EFNA5: variants seen among roughly 807,000 people sequenced by gnomAD.
EFNA5 encodes ephrin A5, also known as ephrin-A5.
A neutral mutation model predicts 22.9 loss-of-function variants in EFNA5; 5 were observed. That is an observed-to-expected ratio of 0.22 (90% CI 0.11 to 0.46). The LOEUF is 0.46. EFNA5 is among the 20% of genes least tolerant of loss of function. EFNA5 has a pLI of 0.99. For missense variants in EFNA5, 237 were observed against 293.3 expected (o/e 0.81, Z 1.40); for synonymous variants, 113 against 112.2 (o/e 1.01, Z -0.04).
intron 1 of EFNA5, among the ~76,000 whole-genome samples, chr5:107,651,743 A>C (rs1750736000): frequency 6.6e-6 from 1 of 151,896 alleles, no homozygotes; most frequent in Non-Finnish European, 1.5e-5. Flanking sequence ...ATAATAGAGC[A>C]CCCTAAGTTT....
chr5:107,573,017 C>A (rs561123042), intron 1 of EFNA5, among the ~76,000 whole-genome samples: 1 of 152,260 alleles, frequency 6.6e-6, no homozygotes, highest in East Asian at 1.9e-4. Context: ...CAGCTAGGCG[C>A]CATCCGTTAA....
At chr5:107,515,121 G>A (rs967679941) in intron 1 of EFNA5, among the ~76,000 whole-genome samples, 9 of 152,056 alleles carry the variant, frequency 5.9e-5, no homozygotes, top group African/African-American at 1.4e-4. Flanking sequence ...TGTAACCTCC[G>A]CCTTCTGGGT....
intron 1 of EFNA5, among the ~76,000 whole-genome samples, chr5:107,556,529 T>A (rs1454775013): frequency 6.6e-6 from 1 of 152,042 alleles, no homozygotes; most frequent in African/African-American, 2.4e-5. Flanking sequence ...GTGGATCACT[T>A]GAGGTCAGGA....
chr5:107,563,034 C>T (rs1455383408), intron 1 of EFNA5, among the ~76,000 whole-genome samples: 2 of 152,112 alleles, frequency 1.3e-5, no homozygotes, highest in East Asian at 3.9e-4. Flanking sequence ...AAGTAATCAC[C>T]CACCAGCTCT....
chr5:107,634,299 T>C (rs1750328151), intron 1 of EFNA5, among the ~76,000 whole-genome samples: 2 of 152,174 alleles, frequency 1.3e-5, no homozygotes, highest in Admixed American at 6.5e-5. Context: ...GAGGTTTGCA[T>C]AGAGGCTAGG....
intron 1 of EFNA5, among the ~76,000 whole-genome samples, chr5:107,500,219 C>T (rs1358436447): frequency 6.6e-6 from 1 of 152,166 alleles, no homozygotes; most frequent in Non-Finnish European, 1.5e-5. Context: ...TATTTGTTCC[C>T]TGGAACTATT....
intron 1 of EFNA5, among the ~76,000 whole-genome samples, chr5:107,495,809 G>T (rs1746961731): frequency 6.6e-6 from 1 of 152,144 alleles, no homozygotes; most frequent in African/African-American, 2.4e-5. Flanking sequence ...TATATACAAT[G>T]GTTATAGGCC....
chr5:107,404,852 G>A (rs1191310737), intron 2 of EFNA5, among the ~76,000 whole-genome samples: 1 of 152,154 alleles, frequency 6.6e-6, no homozygotes, highest in African/African-American at 2.4e-5. Flanking sequence ...GTAATCTTAA[G>A]CATGTGCAAC....
intron 2 of EFNA5, among the ~76,000 whole-genome samples, chr5:107,391,655 C>T (rs1304607999): frequency 6.6e-6 from 1 of 152,210 alleles, no homozygotes; most frequent in Non-Finnish European, 1.5e-5. Context: ...CAGTTTACTG[C>T]TTAAAGTGTA....
intron 2 of EFNA5, among the ~76,000 whole-genome samples, chr5:107,415,177 TTA>T (rs147069685): frequency 8.8e-5 from 13 of 147,754 alleles, no homozygotes; most frequent in Non-Finnish European, 1.2e-4. Context: ...ATGGATGAGA[TTA>T]TATATATATA....
In EFNA5 at chr5:107,378,735, A is replaced by G. The variant is rs187290406; in HGVS notation, c.*2520T>C. ...TTTCACTGTGAAAAAATGAAAGACA[A>G]TGGCAGAGAGGGCCATGAGTAATTA... On this transcript the variant is annotated 3_prime_UTR_variant, in exon 5 of 5. Coordinates refer to ENST00000333274, the MANE Select transcript of EFNA5 (RefSeq NM_001962.3). 5.3e-4 allele frequency: 80 copies of G among 152,308 alleles called. No individual in the cohort carries two copies. The highest frequency in any genetic ancestry group is 1.9e-3 in the African/African-American group (78 of 41,574). The allele number at this position is 152,308 out of a possible 1,614,324, so 9.4% of individuals were successfully genotyped here.
chr5:107,413,730 C>A (rs1191261112), intron 2 of EFNA5, among the ~76,000 whole-genome samples: 2 of 151,692 alleles, frequency 1.3e-5, no homozygotes, highest in Non-Finnish European at 2.9e-5. Context: ...ATGCAAAAAC[C>A]CTAAAGGGTT....
intron 1 of EFNA5, among the ~76,000 whole-genome samples, chr5:107,551,459 T>G (rs1347966663): frequency 6.6e-6 from 1 of 152,166 alleles, no homozygotes; most frequent in Admixed American, 6.5e-5. Context: ...CATTCAATTC[T>G]CACAATAACC....
chr5:107,507,508 G>A (rs1252466888), intron 1 of EFNA5, among the ~76,000 whole-genome samples: 1 of 152,144 alleles, frequency 6.6e-6, no homozygotes, highest in Admixed American at 6.5e-5. Flanking sequence ...AACCTAGCCA[G>A]GGAATGCAGG....
chr5:107,490,900 C>G (rs1259725668), intron 1 of EFNA5, among the ~76,000 whole-genome samples: 1 of 152,200 alleles, frequency 6.6e-6, no homozygotes, highest in African/African-American at 2.4e-5. Context: ...TTGCAGAGAT[C>G]CTGCTCATTA....
At chr5:107,660,281 T>TATATATATATATATATATATATAA (rs1750921473) in intron 1 of EFNA5, among the ~76,000 whole-genome samples, 1 of 55,622 alleles carries the variant, frequency 1.8e-5, no homozygotes, top group African/African-American at 6.3e-5. Context: ...TATATATATA[T>TATATATATATATATATATATATAA]ATATATATAT....
rs1750959737 is a variant in EFNA5 at position 107,661,478 on chromosome 5, T to C, written c.125+9011A>G. Among the ~76,000 whole-genome samples the C allele has an allele frequency of 2.0e-5, 3 of 152,228 alleles. No homozygotes were observed. In the South Asian group the frequency reaches 6.2e-4, roughly 31 times the overall value. On this transcript the variant is annotated intron_variant, in intron 1 of 4. Coordinates refer to ENST00000333274, the MANE Select transcript of EFNA5 (RefSeq NM_001962.3). ...TCAAAAACGCATCCTGCTACGATGG[T>C]GGCTCAGGACACTTGTGTGCCAGGG...
At chr5:107,625,143 G>T (rs1051596772) in intron 1 of EFNA5, among the ~76,000 whole-genome samples, 1 of 152,072 alleles carries the variant, frequency 6.6e-6, no homozygotes, top group Non-Finnish European at 1.5e-5. Flanking sequence ...ACTAATTTTT[G>T]AAATACTATG....
At chr5:107,638,863 T>C (rs1750442425) in intron 1 of EFNA5, among the ~76,000 whole-genome samples, 1 of 152,262 alleles carries the variant, frequency 6.6e-6, no homozygotes, top group African/African-American at 2.4e-5. Context: ...AAAATAAGTA[T>C]GTGAACTAAT....
Sources: allele counts gnomAD v4.1 joint callset (sites outside exome capture counted in the v4.1 genomes callset), GRCh38; gene constraint gnomAD v4.1.1; transcripts MANE v1.5; gene names NCBI Gene and HGNC (gene_info 2026-07-23, HGNC 2026-07-21).